The following PTPRT variants were observed in gnomAD, a reference collection of about 807,000 sequenced individuals.
The protein encoded by PTPRT is protein tyrosine phosphatase receptor type T, also known as receptor-type tyrosine-protein phosphatase T.
PTPRT carries 56 observed loss-of-function variants against 176.8 expected under a neutral mutation model. The ratio of observed to expected loss-of-function variants is 0.32; its 90% CI spans 0.26 to 0.40. The LOEUF (loss-of-function observed/expected upper bound fraction) is 0.40. Among genes scored for constraint, PTPRT ranks in the 10% least tolerant of loss-of-function variants. The pLI is 1.00. For synonymous variants in PTPRT, 783 were observed against 739.0 expected (o/e 1.06, Z -0.96); for missense variants, 1,540 against 1,908.2 (o/e 0.81, Z 3.60).
chr20:43,039,574 T>A (rs146952322), intron 1 of PTPRT, among the ~76,000 whole-genome samples: 16 of 152,008 alleles, frequency 1.1e-4, no homozygotes, highest in African/African-American at 3.9e-4. Context: ...AACATACTGA[T>A]AAATTTCATC....
intron 7 of PTPRT, among the ~76,000 whole-genome samples, chr20:42,604,070 T>C (rs1191751773): frequency 6.6e-6 from 1 of 152,166 alleles, no homozygotes; most frequent in Non-Finnish European, 1.5e-5. Context: ...ACACCAAGTG[T>C]CGGCAAACAG....
At chr20:42,338,207 T>C (rs1441797682) in intron 11 of PTPRT, among the ~76,000 whole-genome samples, 1 of 152,240 alleles carries the variant, frequency 6.6e-6, no homozygotes, top group Non-Finnish European at 1.5e-5. Context: ...AGCATTAACA[T>C]GTTTCTGTAA....
rs1310549367 is a variant in PTPRT at position 42,499,311 on chromosome 20, G to A, written c.1154-26749C>T. ...GATAAACTTTTTTTTTTTTTTTTGA[G>A]ACAGAGTTTTGCTCTTGTCACCCAG... is the stretch of plus-strand genomic sequence containing the variant. On this transcript the variant is annotated intron_variant, in intron 7 of 30. Transcript: ENST00000373187. Among the ~76,000 whole-genome samples the A allele has an allele frequency of 2.7e-5, 4 of 146,236 alleles. No individual in the cohort carries two copies. In the South Asian group the frequency reaches 6.5e-4, roughly 24 times the overall value.
intron 16 of PTPRT, among the ~76,000 whole-genome samples, chr20:42,193,186 A>G (rs926783381): frequency 5.9e-5 from 9 of 152,330 alleles, no homozygotes; most frequent in Admixed American, 2.6e-4. Context: ...CAACTGCAAA[A>G]TGAATTCGAT....
the PTPRT span, among the ~76,000 whole-genome samples, chr20:42,045,536 C>G: frequency 4.0e-5 from 6 of 151,794 alleles, no homozygotes; most frequent in South Asian, 4.2e-4. Context: ...TCAGGTTGGT[C>G]TAGGGAAGAT....
intron 7 of PTPRT, among the ~76,000 whole-genome samples, chr20:42,677,486 C>T (rs2075525548): frequency 1.3e-5 from 2 of 152,124 alleles, no homozygotes; most frequent in South Asian, 4.2e-4. Context: ...AAACCAAGAG[C>T]CCTCGGAGAA....
At chr20:42,937,431 G>A (rs1980260422) in intron 1 of PTPRT, among the ~76,000 whole-genome samples, 1 of 152,192 alleles carries the variant, frequency 6.6e-6, no homozygotes, top group Non-Finnish European at 1.5e-5. Context: ...CAGTTATGCT[G>A]AGCCAGACAG....
In PTPRT at chr20:42,645,762, T is replaced by TTGTGTG. The variant is rs1324109060; in HGVS notation, c.1153+32103_1153+32104insCACACA. 3.9e-3 allele frequency among the ~76,000 whole-genome samples: 498 copies of TTGTGTG among 127,920 alleles called. 6 individuals carry two copies. The highest frequency in any genetic ancestry group is 0.015 in the African/African-American group (475 of 31,774). 83.9% of individuals were successfully genotyped at this position (127,920 alleles called of 152,430 possible). The stretch of plus-strand genomic sequence containing the variant: ...TGTATGTTTCAGATGGGATGTGTAT[T>TTGTGTG]TATGTGTGTGTGTGTGTGTGTGTGT... On this transcript the variant is annotated intron_variant, in intron 7 of 30. Coordinates refer to ENST00000373187, the MANE Select transcript of PTPRT (RefSeq NM_007050.6).
At chr20:42,293,510 G>A (rs1335690819) in intron 12 of PTPRT, among the ~76,000 whole-genome samples, 1 of 151,976 alleles carries the variant, frequency 6.6e-6, no homozygotes, top group Non-Finnish European at 1.5e-5. Context: ...CAACACACTG[G>A]AGTGACCTGG....
intron 8 of PTPRT, among the ~76,000 whole-genome samples, chr20:42,453,673 T>G: frequency 8.7e-6 from 1 of 115,120 alleles, no homozygotes; most frequent in African/African-American, 3.8e-5. Flanking sequence ...CTTTTTCTTT[T>G]CTTTTTTTTT....
chr20:42,529,607 C>T (rs957974015), intron 7 of PTPRT, among the ~76,000 whole-genome samples: 1 of 152,102 alleles, frequency 6.6e-6, no homozygotes, highest in African/African-American at 2.4e-5. Flanking sequence ...CTGCCCCAGC[C>T]TCCCGAGTAG....
At chr20:42,822,970 A>C (rs1300608008) in intron 2 of PTPRT, among the ~76,000 whole-genome samples, 1 of 152,122 alleles carries the variant, frequency 6.6e-6, no homozygotes, top group East Asian at 1.9e-4. Flanking sequence ...ATTGTTGAAA[A>C]CAGTATGGCA....
Position 42,678,055 on chromosome 20 carries a change from G to T in PTPRT, c.964C>A (p.Leu322Met), listed in dbSNP as rs376161100. The change falls in exon 7 of 31, where the codon CTG (leucine) becomes ATG (methionine). Residue 322 changes from leucine to methionine, a missense_variant. Around this residue, in one of 11 missense-constraint regions of PTPRT, gnomAD observed 273 missense variants for 432.1 expected, o/e 0.63. Transcript: ENST00000373187. ...GTGGTGCGATATTCCACTTCCTTCA[G>T]GATGATGGGGCCATCCCCGATGATG... is the stretch of plus-strand genomic sequence containing the variant. Reference protein sequence around the residue: ...NSIIGDGPIILKEVEYRTTTG... With the variant: ...NSIIGDGPIIMKEVEYRTTTG... 1.1e-5 allele frequency: 17 copies of T among 1,614,048 alleles called. No homozygotes were observed. The East Asian group carries it at 2.2e-4, about 21-fold the overall frequency.
chr20:42,080,159 C>A lies in PTPRT; in HGVS notation c.*720G>T. The A allele has an allele frequency of 2.1e-5, 5 of 233,106 alleles. No homozygotes were observed. The highest frequency in any genetic ancestry group is 3.4e-5 in the Non-Finnish European group (4 of 117,980). The allele number at this position is 233,106 out of a possible 1,614,324, so 14.4% of individuals were successfully genotyped here. A position where few individuals can be genotyped will look rare whatever the true frequency, so the allele number is the denominator to read the frequency against. The stretch of plus-strand genomic sequence containing the variant: ...AGAGAAGTTCCCTGCAGTTCCACCC[C>A]CTCCCACTGACCACACAAAAAAGCA... On this transcript the variant is annotated 3_prime_UTR_variant, in exon 31 of 31. Transcript: ENST00000373187.
intron 1 of PTPRT, among the ~76,000 whole-genome samples, chr20:43,122,256 C>G (rs1371432024): frequency 6.6e-6 from 1 of 152,138 alleles, no homozygotes; most frequent in African/African-American, 2.4e-5. Flanking sequence ...TCCAAAGGCC[C>G]CAGTCCAGTG....
chr20:42,949,018 A>C (rs1209318163), intron 1 of PTPRT, among the ~76,000 whole-genome samples: 1 of 152,084 alleles, frequency 6.6e-6, no homozygotes, highest in Non-Finnish European at 1.5e-5. Flanking sequence ...TCCTCATCCC[A>C]CTGTTGGATA....
chr20:43,174,501 T>G (rs2015080169), intron 1 of PTPRT, among the ~76,000 whole-genome samples: 1 of 152,262 alleles, frequency 6.6e-6, no homozygotes, highest in African/African-American at 2.4e-5. Flanking sequence ...CAGCAGACCC[T>G]GCTGCACCTG....
intron 11 of PTPRT, among the ~76,000 whole-genome samples, chr20:42,318,812 C>T (rs2145389304): frequency 6.6e-6 from 1 of 152,230 alleles, no homozygotes; most frequent in Non-Finnish European, 1.5e-5. Context: ...TGTCATCTTT[C>T]CCCTCTAAAT....
intron 7 of PTPRT, among the ~76,000 whole-genome samples, chr20:42,526,014 GTT>G (rs11477358): frequency 6.9e-6 from 1 of 144,688 alleles, no homozygotes; most frequent in Admixed American, 6.9e-5. Flanking sequence ...TATGGAGAGT[GTT>G]TTTTTTTTTA....
Sources: allele counts gnomAD v4.1 joint callset (sites outside exome capture counted in the v4.1 genomes callset), GRCh38; gene constraint gnomAD v4.1.1; regional missense constraint gnomAD v4.1.1; transcripts MANE v1.5; gene names NCBI Gene and HGNC (gene_info 2026-07-23, HGNC 2026-07-21).